Variants in SGK1 observed in about 807,000 individuals in gnomAD.
SGK1 encodes serum/glucocorticoid regulated kinase 1.
A neutral mutation model predicts 64.2 loss-of-function variants in SGK1; 26 were observed. The observed-to-expected ratio is 0.40, with a 90% confidence interval of 0.30 to 0.56. SGK1 has a LOEUF of 0.56. Among genes scored for constraint, SGK1 ranks in the 20% least tolerant of loss-of-function variants. The pLI is 0.38. For synonymous variants in SGK1, 265 were observed against 239.7 expected, an observed-to-expected ratio of 1.11 and a Z score of -0.98; for missense variants, 519 against 645.6, an observed-to-expected ratio of 0.80 and a Z score of 2.12.
rs754441749 is a variant in SGK1, at chr6:134,172,690, A to G, written c.919T>C (p.Tyr307His). 1 of 1,613,484 alleles carries G rather than the reference A, an allele frequency of 6.2e-7. No individual in the cohort carries two copies. The highest frequency in any genetic ancestry group is 8.5e-7 in the Non-Finnish European group (1 of 1,179,350). Residue 307 changes from tyrosine to histidine, a missense_variant, in exon 9 of 14, where the codon TAC (tyrosine) becomes CAC (histidine). Transcript: ENST00000367858. Reference protein sequence around the residue: ...YAAEIASALGYLHSLNIVYRD... With the variant: ...YAAEIASALGHLHSLNIVYRD... ...TAAACGATGTTCAGTGAATGCAGGT[A>G]GCCCAAGGCACTGGCTATTTCAGCA...
intron 3 of SGK1, among the ~76,000 whole-genome samples, chr6:134,206,492 A>G (rs1582710385): frequency 1.3e-5 from 2 of 148,960 alleles, no homozygotes; most frequent in East Asian, 4.0e-4. Flanking sequence ...CCCAATCATC[A>G]CACTTATAAA....
chr6:134,256,719 C>G (rs1442482381), intron 2 of SGK1, among the ~76,000 whole-genome samples: 1 of 152,186 alleles, frequency 6.6e-6, no homozygotes, highest in Non-Finnish European at 1.5e-5. Flanking sequence ...GCTTACACAG[C>G]TCTAAGTTAT....
chr6:134,247,036 A>C (rs773718101), intron 2 of SGK1, among the ~76,000 whole-genome samples: 3 of 151,836 alleles, frequency 2.0e-5, no homozygotes, highest in Non-Finnish European at 4.4e-5. Context: ...AGGTAATAGC[A>C]AGTAATATGC....
intron 2 of SGK1, among the ~76,000 whole-genome samples, chr6:134,211,927 A>C (rs1775896288): frequency 6.6e-6 from 1 of 151,454 alleles, no homozygotes; most frequent in African/African-American, 2.4e-5. Flanking sequence ...AAGCAGCCTC[A>C]GTATGAATCC....
chr6:134,292,702 G>T (rs1049788133), intron 1 of SGK1, among the ~76,000 whole-genome samples: 3 of 152,148 alleles, frequency 2.0e-5, no homozygotes, highest in Admixed American at 6.6e-5. Context: ...AGATGAAAAG[G>T]ATCCAAAATG....
At chr6:134,170,749 C>A in intron 13 of SGK1, 77 bp downstream of exon 13, 1 of 988,514 alleles carries the variant, frequency 1.0e-6, no homozygotes, top group South Asian at 1.5e-5. Context: ...TTCCTTCCAA[C>A]CCTCCCCCAG....
chr6:134,175,683 G>A, intron 3 of SGK1: 3 of 1,473,000 alleles, frequency 2.0e-6, no homozygotes, highest in South Asian at 1.3e-5. Context: ...GGCGGGGCGC[G>A]CGGCAGACGA....
chr6:134,183,182 A>T (rs900727765), intron 3 of SGK1, among the ~76,000 whole-genome samples: 1 of 152,230 alleles, frequency 6.6e-6, no homozygotes, highest in Non-Finnish European at 1.5e-5. Flanking sequence ...TTGTATTGAT[A>T]TAAGTTGATG....
intron 3 of SGK1, among the ~76,000 whole-genome samples, chr6:134,192,109 G>C (rs367711220): frequency 6.6e-6 from 1 of 151,552 alleles, no homozygotes; most frequent in Non-Finnish European, 1.5e-5. Context: ...GATTACAGGC[G>C]TGAGCCACCG....
At chr6:134,260,618 G>A (rs1042330115) in intron 2 of SGK1, 8 of 149,692 alleles carry the variant, frequency 5.3e-5, no homozygotes, top group African/African-American at 2.0e-4. Flanking sequence ...GTTGCAGTGA[G>A]CCGAGATCGT....
rs753483209 is a variant in SGK1 at position 134,173,147 on chromosome 6, T to C, written c.710A>G (p.His237Arg). Residue 237 changes from histidine to arginine, a missense_variant, in exon 8 of 14, where the codon CAT becomes CGT. Physicochemically the swap from His to Arg is conservative, Grantham distance 29. Coordinates refer to ENST00000367858, the MANE Select transcript of SGK1 (RefSeq NM_001143676.3). ...CAGAACATTCCGCTCCGACATAATA[T>C]GCTTCTCCTAGGAAAATGACGATTC... ...KAILKKKEEK[H>R]IMSERNVLLK... 1.1e-5 allele frequency: 18 copies of C among 1,612,502 alleles called. No individual in the cohort carries two copies. Among genetic ancestry groups the C allele is most frequent in the Admixed American group, 1.7e-5 (1 of 59,848 alleles).
At chr6:134,267,145 A>C (rs1250781497) in intron 1 of SGK1, among the ~76,000 whole-genome samples, 2 of 152,074 alleles carry the variant, frequency 1.3e-5, no homozygotes, top group Middle Eastern at 3.4e-3. Context: ...CGCACTCTAG[A>C]GCTTGAGTTA....
At chr6:134,206,965 C>G (rs970222241) in intron 3 of SGK1, among the ~76,000 whole-genome samples, 1 of 152,002 alleles carries the variant, frequency 6.6e-6, no homozygotes, top group Admixed American at 6.6e-5. Flanking sequence ...GTGGCTCACG[C>G]CTGTAATCCC....
intron 10 of SGK1, 47 bp from the exon 11 acceptor site, chr6:134,171,779 G>A: frequency 1.6e-6 from 2 of 1,227,134 alleles, no homozygotes; most frequent in Non-Finnish European, 2.4e-6. Context: ...GCGAAAGCAA[G>A]CAATCCCACG....
intron 1 of SGK1, among the ~76,000 whole-genome samples, chr6:134,310,210 T>G (rs542341227): frequency 6.6e-6 from 1 of 152,204 alleles, no homozygotes; most frequent in Non-Finnish European, 1.5e-5. Flanking sequence ...GCACCAGCCC[T>G]TTAAAAAATG....
At chr6:134,225,834 A>G (rs113494726) in intron 2 of SGK1, among the ~76,000 whole-genome samples, 11,847 of 152,060 alleles carry the variant, frequency 0.078, 524 homozygotes, top group African/African-American at 0.087. Flanking sequence ...GTACTTTGGG[A>G]GGCTGAGGTG....
intron 2 of SGK1, among the ~76,000 whole-genome samples, chr6:134,256,112 G>A (rs867150894): frequency 3.2e-5 from 3 of 94,218 alleles, no homozygotes; most frequent in Middle Eastern, 6.7e-3. Context: ...GTATTTTGTC[G>A]ATATTTATAT....
chr6:134,182,838 G>A (rs1775352182), intron 3 of SGK1, among the ~76,000 whole-genome samples: 1 of 152,202 alleles, frequency 6.6e-6, no homozygotes, highest in Non-Finnish European at 1.5e-5. Flanking sequence ...GCTGTATCAA[G>A]AAACGAAATG....
intron 2 of SGK1, among the ~76,000 whole-genome samples, chr6:134,244,681 A>G (rs1195327252): frequency 2.0e-5 from 3 of 152,186 alleles, no homozygotes; most frequent in African/African-American, 7.2e-5. Context: ...TGAACCAGGT[A>G]CCTCAGTTGG....
Sources: gnomAD v4.1 joint callset for allele counts (sites outside exome capture counted in the v4.1 genomes callset) on GRCh38, gnomAD v4.1.1 for gene constraint, MANE v1.5 for transcripts, NCBI Gene and HGNC (gene_info 2026-07-23, HGNC 2026-07-21) for gene names.